Variants in ACTR1A observed in about 807,000 individuals in gnomAD.
The protein encoded by ACTR1A is actin related protein 1A.
ACTR1A carries 10 observed loss-of-function variants against 50.7 expected under a neutral mutation model. The ratio of observed to expected loss-of-function variants is 0.20; its 90% CI spans 0.12 to 0.33. The LOEUF (loss-of-function observed/expected upper bound fraction) is 0.33. ACTR1A is among the 10% of genes least tolerant of loss of function. The pLI is 1.00. For synonymous variants in ACTR1A, 177 were observed against 184.2 expected (o/e 0.96, Z 0.32); for missense variants, 253 against 491.7 (o/e 0.51, Z 4.59).
intron 1 of ACTR1A, among the ~76,000 whole-genome samples, chr10:102,501,600 T>C (rs1389357886): frequency 2.0e-5 from 3 of 152,354 alleles, no homozygotes; most frequent in East Asian, 1.9e-4. Flanking sequence ...TCAATATTGA[T>C]GCTTCTGCAT....
intron 9 of ACTR1A, 66 bp from the exon 10 acceptor site, chr10:102,481,238 T>C: frequency 6.8e-7 from 1 of 1,481,394 alleles, no homozygotes; most frequent in Non-Finnish European, 9.1e-7. Context: ...CCTACAATGC[T>C]CCTCTTTCTG....
intron 4 of ACTR1A, among the ~76,000 whole-genome samples, chr10:102,487,668 G>A (rs995676354): frequency 7.7e-6 from 1 of 129,644 alleles, no homozygotes; most frequent in African/African-American, 3.0e-5. Context: ...GTCTCACTCT[G>A]TCACCCAGGC....
chr10:102,486,967 A>G (rs900685609), intron 4 of ACTR1A, among the ~76,000 whole-genome samples: 13 of 145,440 alleles, frequency 8.9e-5, no homozygotes, highest in African/African-American at 2.8e-4. Flanking sequence ...TTTTTTTTTC[A>G]TATTTTTAGT....
chr10:102,498,324 C>CT (rs568599813), intron 1 of ACTR1A, among the ~76,000 whole-genome samples: 1,624 of 139,134 alleles, frequency 0.012, 17 homozygotes, highest in African/African-American at 0.032. Flanking sequence ...CTCTCTCTCT[C>CT]TTTTTTTTTT....
chr10:102,485,946 C>T (rs2062166211), intron 4 of ACTR1A, among the ~76,000 whole-genome samples: 4 of 152,294 alleles, frequency 2.6e-5, no homozygotes, highest in Middle Eastern at 3.4e-3. Context: ...TTCATTCTGT[C>T]CTCAGCTGTG....
chr10:102,483,099 G>A lies in ACTR1A; in HGVS notation c.662C>T (p.Ala221Val). 2 of 1,613,294 alleles carry A rather than the reference G, an allele frequency of 1.2e-6. No individual in the cohort carries two copies. The highest frequency in any genetic ancestry group is 1.7e-6 in the Non-Finnish European group (2 of 1,179,216). The change falls in exon 7 of 11, where the codon GCC (alanine) becomes GTC (valine). Residue 221 changes from alanine to valine, a missense_variant. By Grantham distance (64) the Ala-to-Val change is moderately conservative. This residue lies in a region of ACTR1A where 116 missense variants were observed against 155.9 expected (regional missense o/e 0.74). Transcript: ENST00000369905. Reference sequence around the variant, plus strand: ...TTGGGGGTTTATGGATAGGTAACAGGCTCTCTGCAGATCCAAGCAAGACAG... The same window carrying A: ...TTGGGGGTTTATGGATAGGTAACAGACTCTCTGCAGATCCAAGCAAGACAG... ...FEIVKAIKERACYLSINPQKD... is the reference protein window; with the variant it reads ...FEIVKAIKERVCYLSINPQKD...
At position 102,481,987 on chromosome 10, in the gene ACTR1A, G is replaced by C; in HGVS notation, c.925+14C>G. 1 of 1,614,120 alleles carries C rather than the reference G, an allele frequency of 6.2e-7. No homozygotes were observed. Among genetic ancestry groups the C allele is most frequent in the Non-Finnish European group, 8.5e-7 (1 of 1,180,020 alleles). The stretch of plus-strand genomic sequence containing the variant: ...AACACTTCCAGGGGAAGGGCTCCAA[G>C]AGAAGAGACAAACCTTTGAACAGGG... On this transcript the variant is annotated intron_variant, in intron 8 of 10. Transcript: ENST00000369905.
chr10:102,488,966 A>T lies in ACTR1A; in HGVS notation c.189+97T>A. On this transcript the variant is annotated intron_variant, in intron 3 of 10. Transcript: ENST00000369905. This position sits in a 1 kb window ranked among gnomAD's most constrained non-coding sequence, Gnocchi z 4.4. ...ATTTTCAGAGAAAGTTGCCCCTTTT[A>T]CTTATGGGTATGTCCAAATGTTGGG... The T allele has an allele frequency of 2.2e-6, 2 of 899,300 alleles. No individual in the cohort carries two copies. The highest frequency in any genetic ancestry group is 3.2e-6 in the Non-Finnish European group (2 of 632,856). The allele number at this position is 899,300 out of a possible 1,614,324, so 55.7% of individuals were successfully genotyped here. A position where few individuals can be genotyped will look rare whatever the true frequency, so the allele number is the denominator to read the frequency against.
intron 9 of ACTR1A, 40 bp from the exon 10 acceptor site, chr10:102,481,212 C>A (rs563106450): frequency 1.3e-6 from 2 of 1,540,778 alleles, no homozygotes; most frequent in Admixed American, 2.0e-5. Context: ...GACTTCCAGC[C>A]CTCCCGCTCC....
intron 4 of ACTR1A, among the ~76,000 whole-genome samples, chr10:102,486,116 G>C (rs2062166965): frequency 6.6e-6 from 1 of 152,164 alleles, no homozygotes; most frequent in African/African-American, 2.4e-5. Flanking sequence ...AGCAGGAGGT[G>C]AATGGCAGGT....
intron 5 of ACTR1A, 85 bp downstream of exon 5, chr10:102,485,524 T>C: frequency 6.3e-7 from 1 of 1,578,252 alleles, no homozygotes; most frequent in Middle Eastern, 2.3e-4. Context: ...CAAGTTACTC[T>C]GAACCATTCC....
chr10:102,499,053 A>T (rs745450691), intron 1 of ACTR1A, among the ~76,000 whole-genome samples: 9 of 152,274 alleles, frequency 5.9e-5, no homozygotes, highest in Non-Finnish European at 8.8e-5. Flanking sequence ...CCAGAGTAAG[A>T]TGAAAGACGT....
intron 4 of ACTR1A, among the ~76,000 whole-genome samples, chr10:102,487,734 C>T (rs911739081): frequency 3.3e-5 from 5 of 151,682 alleles, no homozygotes; most frequent in Non-Finnish European, 7.4e-5. Flanking sequence ...CGGGTTCACG[C>T]CATTCTCCTG....
intron 5 of ACTR1A, among the ~76,000 whole-genome samples, chr10:102,485,357 T>C (rs1478240796): frequency 6.6e-6 from 1 of 152,212 alleles, no homozygotes; most frequent in African/African-American, 2.4e-5. Flanking sequence ...GCCAAGGCCT[T>C]GGGGACCAAA....
intron 6 of ACTR1A, chr10:102,483,792 C>T: frequency 4.5e-6 from 1 of 224,218 alleles, no homozygotes; most frequent in Non-Finnish European, 9.2e-6. Context: ...TTACAGTGAG[C>T]CGAGATCACA....
rs566097093 is a variant in ACTR1A at position 102,488,927 on chromosome 10, G to T, written c.189+136C>A. The stretch of plus-strand genomic sequence containing the variant: ...TAAACCACCTAAGCCTAGGATGAGA[G>T]AATCAAAAAGGAGATTTTCAGAGAA... On this transcript the variant is annotated intron_variant, in intron 3 of 10. Coordinates refer to ENST00000369905, the MANE Select transcript of ACTR1A (RefSeq NM_005736.4). This position sits in a 1 kb window ranked among gnomAD's most constrained non-coding sequence, Gnocchi z 4.4. 1.7e-6 allele frequency: 1 copy of T among 605,204 alleles called. No homozygotes were observed. Among genetic ancestry groups the T allele is most frequent in the Non-Finnish European group, 2.7e-6 (1 of 375,158 alleles). 37.5% of individuals were successfully genotyped at this position (605,204 alleles called of 1,614,324 possible).
chr10:102,481,155 C>T lies in ACTR1A; in HGVS notation c.1005G>A (p.Glu335=), dbSNP rs1297196656. 1 of 1,604,858 alleles carries T rather than the reference C, an allele frequency of 6.2e-7. No individual in the cohort carries two copies. The highest frequency in any genetic ancestry group is 8.5e-7 in the Non-Finnish European group (1 of 1,175,292). Residue 335 remains glutamate, a synonymous_variant, in exon 10 of 11, where the codon GAG becomes GAA. Transcript: ENST00000369905. ...ACCCAATCCACGTGGAATACAGTCT[C>T]TCCTGAGGTGCAGATATCTGCAAAG... is the stretch of plus-strand genomic sequence containing the variant. The part of the protein sequence containing the change: ...DVKIRISAPQ[E]RLYSTWIGGS...
At chr10:102,492,226 A>G (rs543300016) in intron 1 of ACTR1A, among the ~76,000 whole-genome samples, 1 of 150,982 alleles carries the variant, frequency 6.6e-6, no homozygotes, top group South Asian at 2.1e-4. Flanking sequence ...GCGCACCACC[A>G]TGCCTGGCTA....
Position 102,489,105 on chromosome 10 carries a change from T to C in ACTR1A, c.147A>G (p.Ala49=). 6.3e-7 allele frequency: 1 copy of C among 1,590,760 alleles called. No individual in the cohort carries two copies. Among genetic ancestry groups the C allele is most frequent in the South Asian group, 1.1e-5 (1 of 87,920 alleles). ...VGRPKHVRVM[A]GALEGDIFIG... ...TGAAGATGTCGCCTTCAAGGGCTCC[T>C]GCCATGACACGAACGTGCTTGGGTC... The change falls in exon 3 of 11, where the codon GCA becomes GCG. Residue 49 remains alanine (A), a synonymous_variant. Transcript: ENST00000369905.
Sources: allele counts gnomAD v4.1 joint callset (sites outside exome capture counted in the v4.1 genomes callset), GRCh38; gene constraint gnomAD v4.1.1; regional missense constraint gnomAD v4.1.1; non-coding constraint Gnocchi (gnomAD v3.1); transcripts MANE v1.5; gene names NCBI Gene and HGNC (gene_info 2026-07-23, HGNC 2026-07-21).